The following KDM2B variants were observed in gnomAD, a reference collection of about 807,000 sequenced individuals.
The protein encoded by KDM2B is lysine-specific demethylase 2B.
KDM2B carries 26 observed loss-of-function variants against 150.0 expected under a neutral mutation model. The ratio of observed to expected loss-of-function variants is 0.17; its 90% CI spans 0.13 to 0.24. The LOEUF is 0.24. KDM2B is among the 10% of genes least tolerant of loss of function. The pLI is 1.00. For synonymous variants in KDM2B, 734 were observed against 729.5 expected (o/e 1.01, Z -0.10); for missense variants, 1,265 against 1,816.9 (o/e 0.70, Z 5.52).
chr12:121,440,146 T>TTTA, intron 21 of KDM2B, 71 bp from the exon 22 acceptor site: 1 of 1,138,042 alleles, frequency 8.8e-7, no homozygotes, highest in African/African-American at 1.5e-5. Context: ...GACATGACAC[T>TTTA]CTAAAAGGCC....
At chr12:121,479,385 T>C (rs1249830780) in intron 12 of KDM2B, among the ~76,000 whole-genome samples, 1 of 147,872 alleles carries the variant, frequency 6.8e-6, no homozygotes, top group African/African-American at 2.5e-5. Context: ...GAGAATGGCG[T>C]GAACCCGGGA....
chr12:121,485,859 C>A (rs1487013731), intron 12 of KDM2B, among the ~76,000 whole-genome samples: 1 of 151,876 alleles, frequency 6.6e-6, no homozygotes, highest in Non-Finnish European at 1.5e-5. Flanking sequence ...TCATTGCAAC[C>A]TCCACCTCCT....
intron 4 of KDM2B, among the ~76,000 whole-genome samples, chr12:121,568,332 C>T (rs1302313821): frequency 2.0e-5 from 3 of 151,818 alleles, no homozygotes; most frequent in East Asian, 1.9e-4. Context: ...TGGTGGCGGG[C>T]GCCTCTAATC....
At chr12:121,553,390 A>T (rs1020893341) in intron 4 of KDM2B, among the ~76,000 whole-genome samples, 2 of 152,078 alleles carry the variant, frequency 1.3e-5, no homozygotes, top group Non-Finnish European at 2.9e-5. Context: ...AAATAGGATA[A>T]AGAGCACTAA....
chr12:121,559,094 A>C (rs1412706103), intron 4 of KDM2B, among the ~76,000 whole-genome samples: 1 of 152,162 alleles, frequency 6.6e-6, no homozygotes, highest in African/African-American at 2.4e-5. Context: ...CTCTGATGCA[A>C]GGGAGTCAGG....
At chr12:121,548,294 C>A (rs919683355) in intron 6 of KDM2B, among the ~76,000 whole-genome samples, 3 of 152,102 alleles carry the variant, frequency 2.0e-5, no homozygotes, top group African/African-American at 7.2e-5. Flanking sequence ...AAAAAATAAA[C>A]CATGGTTAAC....
chr12:121,561,604 T>C (rs1436990493), intron 4 of KDM2B, among the ~76,000 whole-genome samples: 2 of 152,136 alleles, frequency 1.3e-5, no homozygotes, highest in African/African-American at 4.8e-5. Flanking sequence ...CCTTGACCTC[T>C]CTCATGAGAT....
intron 12 of KDM2B, among the ~76,000 whole-genome samples, chr12:121,493,241 A>C (rs7299079): frequency 0.024 from 3,620 of 151,680 alleles, 120 homozygotes; most frequent in African/African-American, 0.076. Flanking sequence ...AAAAAACCCC[A>C]AAAAAATCAG....
intron 6 of KDM2B, among the ~76,000 whole-genome samples, chr12:121,538,027 C>A (rs1280686324): frequency 6.6e-6 from 1 of 150,922 alleles, no homozygotes; most frequent in Non-Finnish European, 1.5e-5. Context: ...GCGAGCCGAG[C>A]CCCCTCCACG....
At chr12:121,478,868 G>GTTTGTTTGTGTGTA (rs1437749986) in intron 12 of KDM2B, among the ~76,000 whole-genome samples, 74 of 142,904 alleles carry the variant, frequency 5.2e-4, no homozygotes, top group African/African-American at 1.9e-3. Context: ...TTGTTTGTTT[G>GTTTGTTTGTGTGTA]TGTGTGTGTG....
chr12:121,516,415 T>TA, intron 9 of KDM2B: 2 of 1,062,500 alleles, frequency 1.9e-6, no homozygotes, highest in Non-Finnish European at 2.5e-6. Flanking sequence ...TTTATTTATT[T>TA]TTTTTTCCAA....
intron 11 of KDM2B, among the ~76,000 whole-genome samples, chr12:121,499,835 A>G (rs1555301601): frequency 6.6e-6 from 1 of 152,050 alleles, no homozygotes; most frequent in Non-Finnish European, 1.5e-5. Flanking sequence ...CTGTGGTCTT[A>G]GCTGCTCGGG....
At chr12:121,571,262 A>T (rs1891067316) in intron 4 of KDM2B, among the ~76,000 whole-genome samples, 1 of 152,198 alleles carries the variant, frequency 6.6e-6, no homozygotes, top group Non-Finnish European at 1.5e-5. Flanking sequence ...GTTATACAGC[A>T]TTGTGAATAT....
At position 121,452,980 on chromosome 12, in the gene KDM2B, C is replaced by G; in HGVS notation, c.1959+140G>C. The G allele has an allele frequency of 6.4e-6, 5 of 778,218 alleles. No homozygotes were observed. Among genetic ancestry groups the G allele is most frequent in the Non-Finnish European group, 9.9e-6 (5 of 506,726 alleles). 48.2% of individuals were successfully genotyped at this position (778,218 alleles called of 1,614,324 possible). A position where few individuals can be genotyped will look rare whatever the true frequency, so the allele number is the denominator to read the frequency against. ...GCGAAGCGGCCAGCGCCTTCCCGTC[C>G]ACAGGAAGAGCTCTCGGGGAGTCCA... is the stretch of plus-strand genomic sequence containing the variant. On this transcript the variant is annotated intron_variant, in intron 13 of 22. Coordinates refer to ENST00000377071, the MANE Select transcript of KDM2B (RefSeq NM_032590.5). This position sits in a 1 kb window ranked among gnomAD's most constrained non-coding sequence, Gnocchi z 4.4.
At chr12:121,433,894 C>A (rs1037430400) in intron 22 of KDM2B, among the ~76,000 whole-genome samples, 21 of 152,006 alleles carry the variant, frequency 1.4e-4, no homozygotes, top group Non-Finnish European at 2.9e-4. Context: ...AAATAAAATA[C>A]ATAGGCCGGG....
the KDM2B span, chr12:121,420,308 G>A: frequency 1.8e-5 from 28 of 1,581,132 alleles, no homozygotes; most frequent in Non-Finnish European, 2.4e-5. Context: ...GGATGATGAT[G>A]ATGAAGAAGA....
intron 12 of KDM2B, among the ~76,000 whole-genome samples, chr12:121,459,084 CA>C (rs60165748): frequency 9.9e-4 from 101 of 102,410 alleles, no homozygotes; most frequent in South Asian, 1.4e-3. Context: ...GACTCTGCCT[CA>C]AAAAAAAAAA....
chr12:121,416,732 C>T, the KDM2B span: 21 of 199,486 alleles, frequency 1.1e-4, no homozygotes, highest in Non-Finnish European at 1.7e-4. Flanking sequence ...AAAAGTATCC[C>T]GTACCTTAAC....
chr12:121,446,118 G>C (rs115312371), intron 13 of KDM2B, among the ~76,000 whole-genome samples: 2 of 152,182 alleles, frequency 1.3e-5, no homozygotes, highest in African/African-American at 4.8e-5. Flanking sequence ...TCACCAGGCC[G>C]GGCGCGGTGG....
Sources: allele counts gnomAD v4.1 joint callset (sites outside exome capture counted in the v4.1 genomes callset), GRCh38; gene constraint gnomAD v4.1.1; non-coding constraint Gnocchi (gnomAD v3.1); transcripts MANE v1.5; gene names NCBI Gene and HGNC (gene_info 2026-07-23, HGNC 2026-07-21).